Variants in PTPRZ1 observed in about 807,000 individuals in gnomAD.
PTPRZ1 encodes receptor-type tyrosine-protein phosphatase zeta.
In PTPRZ1, 82 loss-of-function variants were observed where a neutral mutation model predicts 214.1. The ratio of observed to expected loss-of-function variants is 0.38; its 90% CI spans 0.32 to 0.46. The LOEUF (loss-of-function observed/expected upper bound fraction) is 0.46. PTPRZ1 is among the 20% of genes least tolerant of loss of function. The pLI, the probability that PTPRZ1 is intolerant of heterozygous loss-of-function variation, is 1.00. For missense variants in PTPRZ1, 2,603 were observed against 2,748.7 expected, an observed-to-expected ratio of 0.95 and a Z score of 1.19; for synonymous variants, 945 against 987.9, an observed-to-expected ratio of 0.96 and a Z score of 0.81.
chr7:122,049,657 C>T (rs1166505393), intron 23 of PTPRZ1, among the ~76,000 whole-genome samples: 1 of 151,920 alleles, frequency 6.6e-6, no homozygotes, highest in African/African-American at 2.4e-5. Context: ...TAAAATTAGG[C>T]CCAAATAAAA....
At chr7:121,928,859 G>A (rs1029695810) in intron 2 of PTPRZ1, among the ~76,000 whole-genome samples, 8 of 152,186 alleles carry the variant, frequency 5.3e-5, no homozygotes, top group Non-Finnish European at 8.8e-5. Context: ...GAAAGTTCTA[G>A]CCCTGAGTGG....
In PTPRZ1 at chr7:122,011,808, C is replaced by A; in HGVS notation, c.2762C>A (p.Ser921Tyr). The A allele has an allele frequency of 6.2e-7, 1 of 1,614,082 alleles. No individual in the cohort carries two copies. The highest frequency in any genetic ancestry group is 8.5e-7 in the Non-Finnish European group (1 of 1,179,942). ...PSSDAMMHARSSGPEPSYALS... is the reference protein window; with the variant it reads ...PSSDAMMHARYSGPEPSYALS... ...AGTGATGCCATGATGCATGCACGTT[C>A]TTCAGGGCCTGAACCTTCTTATGCC... The change falls in exon 12 of 30, where the codon TCT becomes TAT. Residue 921 changes from serine to tyrosine, a missense_variant. Around this residue, in one of 6 missense-constraint regions of PTPRZ1, gnomAD observed 1,913 missense variants for 1,914.3 expected, o/e 1.00. Coordinates refer to ENST00000393386, the MANE Select transcript of PTPRZ1 (RefSeq NM_002851.3).
intron 2 of PTPRZ1, among the ~76,000 whole-genome samples, chr7:121,960,183 C>T (rs897685288): frequency 5.9e-5 from 9 of 152,126 alleles, no homozygotes; most frequent in Admixed American, 2.0e-4. Context: ...TAATTACGGG[C>T]GTGCGCCAAC....
chr7:121,909,433 T>G (rs888871867), intron 1 of PTPRZ1, among the ~76,000 whole-genome samples: 2 of 152,162 alleles, frequency 1.3e-5, no homozygotes, highest in African/African-American at 4.8e-5. Context: ...AATTCTATAT[T>G]ACTTATTCAT....
At chr7:121,936,509 C>T (rs576774576) in intron 2 of PTPRZ1, among the ~76,000 whole-genome samples, 16 of 152,282 alleles carry the variant, frequency 1.1e-4, no homozygotes, top group African/African-American at 2.6e-4. Context: ...TAGCCGGGAG[C>T]ACTGCTGCTG....
rs777847228 is a variant in PTPRZ1, at chr7:122,040,954, G to T, written c.5776G>T (p.Val1926Leu). The change falls in exon 21 of 30, where the codon GTG becomes TTG. Residue 1926 changes from valine to leucine, a missense_variant. Transcript: ENST00000393386. ...GGCAGCCTATGCCAAGCGCCATGCA[G>T]TGGGGCCTGTTGTCGTCCACTGCAG... ...RKAAYAKRHA[V>L]GPVVVHCSAG... 27 of 1,580,114 alleles carry T rather than the reference G, an allele frequency of 1.7e-5. No individual in the cohort carries two copies. Among genetic ancestry groups the T allele is most frequent in the Non-Finnish European group, 2.3e-5 (27 of 1,155,738 alleles).
chr7:121,952,949 C>T (rs368795261), intron 2 of PTPRZ1, among the ~76,000 whole-genome samples: 1 of 152,138 alleles, frequency 6.6e-6, no homozygotes, highest in African/African-American at 2.4e-5. Context: ...AGTATTCAGG[C>T]TTCTGCCCTG....
At chr7:121,977,548 C>T (rs1382954584) in intron 6 of PTPRZ1, among the ~76,000 whole-genome samples, 1 of 152,118 alleles carries the variant, frequency 6.6e-6, no homozygotes, top group Non-Finnish European at 1.5e-5. Flanking sequence ...TCTCTGGAAG[C>T]TGCAAAATTT....
intron 13 of PTPRZ1, among the ~76,000 whole-genome samples, chr7:122,023,941 C>A (rs1799130168): frequency 6.7e-6 from 1 of 149,946 alleles, no homozygotes; most frequent in Non-Finnish European, 1.5e-5. Context: ...AAGGCGTAAA[C>A]CAAATAATCA....
Position 122,014,142 on chromosome 7 carries a change from A to G in PTPRZ1, c.4843+253A>G, listed in dbSNP as rs545634850. On this transcript the variant is annotated intron_variant, in intron 12 of 29. Transcript: ENST00000393386. ...AAAACAATTTTTATTTATTGTCAAT[A>G]TTTCATACTCTACAGGATGTCTTTT... Among the ~76,000 whole-genome samples, 7 of 152,246 alleles carry G rather than the reference A, an allele frequency of 4.6e-5. No individual in the cohort carries two copies. In the South Asian group the frequency reaches 1.5e-3, roughly 32 times the overall value.
intron 1 of PTPRZ1, among the ~76,000 whole-genome samples, chr7:121,927,054 A>G (rs1405901496): frequency 3.3e-5 from 5 of 152,238 alleles, no homozygotes; most frequent in African/African-American, 1.2e-4. Flanking sequence ...AGTATATAAC[A>G]TGAAAGAAAG....
intron 12 of PTPRZ1, among the ~76,000 whole-genome samples, chr7:122,014,233 G>T (rs1367135469): frequency 6.6e-6 from 1 of 151,974 alleles, no homozygotes; most frequent in Non-Finnish European, 1.5e-5. Context: ...CAAGATCAGA[G>T]TATGCTATTT....
rs371692415 is a variant in PTPRZ1 at position 121,973,940 on chromosome 7, GAAAAAA to G, written c.456+1266_456+1271del. On this transcript the variant is annotated intron_variant, in intron 4 of 29. Transcript: ENST00000393386. ...TGGAGTGAGACGCTGTCTCAAAAAA[GAAAAAA>G]AAAAAAAAAAAAAAAAAGCAATTGA... 1.3e-4 allele frequency among the ~76,000 whole-genome samples: 11 copies of G among 86,218 alleles called. No individual in the cohort carries two copies. The East Asian group carries it at 2.0e-3, about 16-fold the overall frequency. 56.6% of individuals were successfully genotyped at this position (86,218 alleles called of 152,430 possible). A position where few individuals can be genotyped will look rare whatever the true frequency, so the allele number is the denominator to read the frequency against.
chr7:122,012,560 A>G lies in PTPRZ1; in HGVS notation c.3514A>G (p.Thr1172Ala). The change falls in exon 12 of 30, where the codon ACC becomes GCC. Residue 1172 changes from threonine to alanine, a missense_variant. By Grantham distance (58) the Thr-to-Ala change is moderately conservative. Coordinates refer to ENST00000393386, the MANE Select transcript of PTPRZ1 (RefSeq NM_002851.3). Reference sequence around the variant, plus strand: ...TTCAACTCAGCTCTTATTTTATGAGACCTCAGCTTCTTTTAGTACTGAAGT... The same window carrying G: ...TTCAACTCAGCTCTTATTTTATGAGGCCTCAGCTTCTTTTAGTACTGAAGT... The part of the protein sequence containing the change: ...SPSTQLLFYE[T>A]SASFSTEVLL... 1 of 1,613,826 alleles carries G rather than the reference A, an allele frequency of 6.2e-7. No individual in the cohort carries two copies. Among genetic ancestry groups the G allele is most frequent in the Non-Finnish European group, 8.5e-7 (1 of 1,179,792 alleles).
rs2116611605 is a variant in PTPRZ1 at position 121,996,510 on chromosome 7, T to C, written c.1057T>C (p.Leu353=). The C allele has an allele frequency of 6.2e-7, 1 of 1,612,254 alleles. No individual in the cohort carries two copies. The highest frequency in any genetic ancestry group is 1.1e-5 in the South Asian group (1 of 90,878). The change falls in exon 9 of 30, where the codon TTG becomes CTG. Residue 353 remains leucine, a synonymous_variant. Coordinates refer to ENST00000393386, the MANE Select transcript of PTPRZ1 (RefSeq NM_002851.3). The part of the protein sequence containing the change: ...IEKFAVLYQQ[L]DGEDQTKHEF... ...GAAGTTTGCAGTTTTGTACCAGCAG[T>C]TGGATGGAGAGGACCAAACCAAGCA...
intron 2 of PTPRZ1, among the ~76,000 whole-genome samples, chr7:121,949,574 T>C (rs899604964): frequency 1.3e-5 from 2 of 152,156 alleles, no homozygotes; most frequent in African/African-American, 2.4e-5. Context: ...GGCCCCTTGA[T>C]TGGTAGAATC....
intron 1 of PTPRZ1, among the ~76,000 whole-genome samples, chr7:121,917,226 T>G (rs575411190): frequency 6.6e-6 from 1 of 152,308 alleles, no homozygotes; most frequent in South Asian, 2.1e-4. Context: ...TTTTGTACAG[T>G]TATGAGCAAA....
intron 2 of PTPRZ1, among the ~76,000 whole-genome samples, chr7:121,962,114 T>G (rs1584686481): frequency 6.6e-6 from 1 of 152,274 alleles, no homozygotes; most frequent in Non-Finnish European, 1.5e-5. Context: ...AACTGATGTC[T>G]CCAGTTGCCA....
chr7:121,930,982 G>A (rs1795904504), intron 2 of PTPRZ1, among the ~76,000 whole-genome samples: 1 of 152,070 alleles, frequency 6.6e-6, no homozygotes, highest in Non-Finnish European at 1.5e-5. Flanking sequence ...ATCTGCCAGT[G>A]TCACCATCTG....
Sources: gnomAD v4.1 joint callset for allele counts (sites outside exome capture counted in the v4.1 genomes callset) on GRCh38, gnomAD v4.1.1 for gene constraint, gnomAD v4.1.1 regional missense constraint, MANE v1.5 for transcripts, NCBI Gene and HGNC (gene_info 2026-07-23, HGNC 2026-07-21) for gene names.